The following GPR158 variants were observed in gnomAD, a reference collection of about 807,000 sequenced individuals.
GPR158 encodes the protein G protein-coupled receptor 158.
A neutral mutation model predicts 78.2 loss-of-function variants in GPR158; 30 were observed. That is an observed-to-expected ratio of 0.38 (90% CI 0.29 to 0.52). GPR158 has a LOEUF of 0.52. GPR158 is among the 20% of genes least tolerant of loss of function. The pLI is 0.83. For synonymous variants in GPR158, 581 were observed against 591.1 expected, an observed-to-expected ratio of 0.98 and a Z score of 0.25; for missense variants, 1,463 against 1,523.5, an observed-to-expected ratio of 0.96 and a Z score of 0.66.
intron 2 of GPR158, among the ~76,000 whole-genome samples, chr10:25,290,309 T>TA (rs1253002048): frequency 2.0e-5 from 3 of 152,234 alleles, no homozygotes; most frequent in Non-Finnish European, 4.4e-5. Flanking sequence ...GCCTCTTGTA[T>TA]AATGCCGTTT....
At chr10:25,398,335 G>GGT (rs1244697173) in intron 3 of GPR158, among the ~76,000 whole-genome samples, 1 of 152,090 alleles carries the variant, frequency 6.6e-6, no homozygotes. Context: ...TATGCTTTTT[G>GGT]GTGTGTGTGT....
At chr10:25,513,173 T>A (rs1275836133) in intron 5 of GPR158, among the ~76,000 whole-genome samples, 1 of 151,470 alleles carries the variant, frequency 6.6e-6, no homozygotes, top group Non-Finnish European at 1.5e-5. Context: ...CCTGGATTTT[T>A]TTTTTTTGTT....
chr10:25,286,103 A>G lies in GPR158; in HGVS notation c.1008+64946A>G, dbSNP rs552844371. Among the ~76,000 whole-genome samples the G allele has an allele frequency of 1.7e-4, 26 of 152,098 alleles. 1 individual carries two copies. The East Asian group carries it at 3.5e-3, about 20-fold the overall frequency. On this transcript the variant is annotated intron_variant, in intron 2 of 10. Transcript: ENST00000376351. ...ACAACTGTTTGAATATGATATGCCT[A>G]TATGTGTGTGTGCATGCATTTTTTC...
At chr10:25,280,525 A>C (rs1254605489) in intron 2 of GPR158, among the ~76,000 whole-genome samples, 1 of 152,216 alleles carries the variant, frequency 6.6e-6, no homozygotes, top group Non-Finnish European at 1.5e-5. Context: ...ACAAAAGCAG[A>C]AGCTATGAAA....
chr10:25,539,246 C>G (rs372356090), intron 5 of GPR158, among the ~76,000 whole-genome samples: 1 of 152,060 alleles, frequency 6.6e-6, no homozygotes, highest in Admixed American at 6.6e-5. Flanking sequence ...TGGGGCATGA[C>G]CAAGGATTTT....
intron 2 of GPR158, among the ~76,000 whole-genome samples, chr10:25,368,208 T>G (rs1320340940): frequency 1.3e-5 from 2 of 151,840 alleles, no homozygotes; most frequent in African/African-American, 4.8e-5. Flanking sequence ...TTTTGTGGAG[T>G]TACCTCCTAA....
At chr10:25,200,907 T>TACCAAACAA (rs1275492787) in intron 1 of GPR158, among the ~76,000 whole-genome samples, 22 of 149,474 alleles carry the variant, frequency 1.5e-4, no homozygotes, top group African/African-American at 5.4e-4. Flanking sequence ...GCTGTTTTGG[T>TACCAAACAA]TACTGTAGCC....
intron 5 of GPR158, among the ~76,000 whole-genome samples, chr10:25,533,326 GA>G (rs564683826): frequency 3.7e-4 from 56 of 152,106 alleles, no homozygotes; most frequent in Admixed American, 2.7e-3. Flanking sequence ...TTAACCTTAA[GA>G]AAAAAATCAT....
intron 6 of GPR158, among the ~76,000 whole-genome samples, chr10:25,559,191 T>A (rs1415402472): frequency 6.6e-6 from 1 of 152,262 alleles, no homozygotes; most frequent in Non-Finnish European, 1.5e-5. Context: ...TTTATTATTA[T>A]GAAATGACCT....
At chr10:25,514,005 T>C (rs1301629483) in intron 5 of GPR158, among the ~76,000 whole-genome samples, 1 of 152,182 alleles carries the variant, frequency 6.6e-6, no homozygotes, top group Non-Finnish European at 1.5e-5. Context: ...AGTTGTCAGG[T>C]ACAATGTTCT....
chr10:25,224,427 G>A (rs1190223642), intron 2 of GPR158, among the ~76,000 whole-genome samples: 3 of 151,156 alleles, frequency 2.0e-5, no homozygotes, highest in African/African-American at 7.3e-5. Flanking sequence ...TTTATGTTAA[G>A]TATATTATAA....
chr10:25,280,955 C>A (rs990752917), intron 2 of GPR158, among the ~76,000 whole-genome samples: 1 of 150,146 alleles, frequency 6.7e-6, no homozygotes, highest in Non-Finnish European at 1.5e-5. Flanking sequence ...GCCAACATGG[C>A]AAAATCCCCT....
chr10:25,450,847 T>G (rs1835206363), intron 4 of GPR158, among the ~76,000 whole-genome samples: 1 of 152,180 alleles, frequency 6.6e-6, no homozygotes, highest in Admixed American at 6.5e-5. Context: ...CCATTTCTAT[T>G]TATCTTTTCC....
intron 5 of GPR158, among the ~76,000 whole-genome samples, chr10:25,498,318 A>G (rs1835910219): frequency 6.6e-6 from 1 of 152,194 alleles, no homozygotes; most frequent in Non-Finnish European, 1.5e-5. Context: ...GTCATTCATT[A>G]TGTTGAGAAT....
intron 2 of GPR158, among the ~76,000 whole-genome samples, chr10:25,286,970 C>A (rs1226516220): frequency 6.6e-6 from 1 of 151,990 alleles, no homozygotes; most frequent in African/African-American, 2.4e-5. Flanking sequence ...GCTTAATCTC[C>A]CTGCAGTATA....
Position 25,284,334 on chromosome 10 carries a change from T to C in GPR158, c.1008+63177T>C, listed in dbSNP as rs184257491. 1.5e-3 allele frequency among the ~76,000 whole-genome samples: 227 copies of C among 152,200 alleles called. 1 individual carries two copies. The highest frequency in any genetic ancestry group is 2.8e-3 in the Non-Finnish European group (188 of 67,944). ...TGCATGTATATACAGAATTTTTATG[T>C]CTTTTTGGGGAATGTCATTTTTACC... On this transcript the variant is annotated intron_variant, in intron 2 of 10. Transcript: ENST00000376351.
chr10:25,479,646 C>G (rs560512457), intron 5 of GPR158, among the ~76,000 whole-genome samples: 1 of 152,006 alleles, frequency 6.6e-6, no homozygotes, highest in Non-Finnish European at 1.5e-5. Context: ...AACACCTGAC[C>G]TCAATTGATC....
chr10:25,380,367 C>T (rs998691463), intron 2 of GPR158, among the ~76,000 whole-genome samples: 1 of 152,086 alleles, frequency 6.6e-6, no homozygotes, highest in East Asian at 1.9e-4. Flanking sequence ...CATGTTTCTG[C>T]GTTTTATAAA....
At chr10:25,520,365 C>T (rs923874645) in intron 5 of GPR158, among the ~76,000 whole-genome samples, 1 of 147,262 alleles carries the variant, frequency 6.8e-6, no homozygotes, top group African/African-American at 2.6e-5. Context: ...AAGCCTTCTT[C>T]TCTCAGCTCG....
Sources: gnomAD v4.1 joint callset for allele counts (sites outside exome capture counted in the v4.1 genomes callset) on GRCh38, gnomAD v4.1.1 for gene constraint, MANE v1.5 for transcripts, NCBI Gene and HGNC (gene_info 2026-07-23, HGNC 2026-07-21) for gene names.